The following TMEM117 variants were observed in gnomAD, a reference collection of about 807,000 sequenced individuals.
TMEM117 encodes the protein transmembrane protein 117.
In TMEM117, 27 loss-of-function variants were observed where a neutral mutation model predicts 52.4. That is an observed-to-expected ratio of 0.51 (90% CI 0.38 to 0.71). TMEM117 has a LOEUF of 0.71. Ranked by LOEUF, TMEM117 falls within the 30% of genes least tolerant of loss-of-function variation. TMEM117 has a pLI of 0.00. For synonymous variants in TMEM117, 215 were observed against 206.3 expected, an observed-to-expected ratio of 1.04 and a Z score of -0.36; for missense variants, 556 against 630.5, an observed-to-expected ratio of 0.88 and a Z score of 1.26.
At chr12:44,380,026 A>G (rs1951998350) in intron 7 of TMEM117, among the ~76,000 whole-genome samples, 1 of 152,246 alleles carries the variant, frequency 6.6e-6, no homozygotes, top group South Asian at 2.1e-4. Context: ...CCTTCTGTCA[A>G]GCATGGCAAG....
At chr12:43,943,786 C>T (rs1945083861) in intron 2 of TMEM117, among the ~76,000 whole-genome samples, 1 of 152,194 alleles carries the variant, frequency 6.6e-6, no homozygotes, top group Non-Finnish European at 1.5e-5. Context: ...GTTTTATCAT[C>T]TGGCCAGTAT....
At chr12:44,272,606 A>G (rs1275681483) in intron 5 of TMEM117, among the ~76,000 whole-genome samples, 52 of 152,222 alleles carry the variant, frequency 3.4e-4, no homozygotes, top group East Asian at 1.9e-4. Context: ...TGCAGCCAAC[A>G]GACACATGAA....
chr12:44,000,197 T>A (rs1328189643), intron 3 of TMEM117, among the ~76,000 whole-genome samples: 2 of 152,024 alleles, frequency 1.3e-5, no homozygotes. Flanking sequence ...CCCGGGTAAG[T>A]TCAGGGAAGG....
intron 1 of TMEM117, among the ~76,000 whole-genome samples, chr12:43,838,545 T>G (rs1342877887): frequency 6.7e-6 from 1 of 150,146 alleles, no homozygotes; most frequent in Non-Finnish European, 1.5e-5. Flanking sequence ...CAGTTTTTTT[T>G]TTTTTTTTTT....
chr12:44,107,879 C>T (rs984474225), intron 3 of TMEM117, among the ~76,000 whole-genome samples: 2 of 152,110 alleles, frequency 1.3e-5, no homozygotes, highest in East Asian at 3.8e-4. Flanking sequence ...CATTGTGGAA[C>T]AGGGCTTTTA....
chr12:43,984,793 A>C (rs1333788914), intron 3 of TMEM117, among the ~76,000 whole-genome samples: 1 of 152,110 alleles, frequency 6.6e-6, no homozygotes, highest in Non-Finnish European at 1.5e-5. Flanking sequence ...TGTTAATCTC[A>C]TTTGTCTTCA....
Position 44,146,996 on chromosome 12 carries a change from A to G in TMEM117, c.510+3372A>G, listed in dbSNP as rs866885603. Among the ~76,000 whole-genome samples the G allele has an allele frequency of 5.3e-5, 8 of 152,266 alleles. No individual in the cohort carries two copies. In the Middle Eastern group the frequency reaches 0.014, roughly 259 times the overall value. ...TTGGCCCTCACATTACAGAGCTTCA[A>G]GCTCTGCTGGGTCCAGTTTCTTAGG... On this transcript the variant is annotated intron_variant, in intron 4 of 7. Coordinates refer to ENST00000266534, the MANE Select transcript of TMEM117 (RefSeq NM_032256.3).
chr12:43,945,543 G>A (rs934262321), intron 3 of TMEM117, among the ~76,000 whole-genome samples: 2 of 152,076 alleles, frequency 1.3e-5, no homozygotes, highest in Admixed American at 6.6e-5. Flanking sequence ...GTCTGGTCTC[G>A]AATTCCTGAC....
chr12:43,883,943 C>G (rs1943943866), intron 2 of TMEM117, among the ~76,000 whole-genome samples: 1 of 151,778 alleles, frequency 6.6e-6, no homozygotes, highest in South Asian at 2.1e-4. Context: ...ATGAGACCAG[C>G]CTTGGCAACA....
At chr12:43,825,621 G>C in the TMEM117 span, among the ~76,000 whole-genome samples, 1 of 151,426 alleles carries the variant, frequency 6.6e-6, no homozygotes, top group East Asian at 1.9e-4. Context: ...AATATTATGT[G>C]ATTATATTAT....
chr12:44,205,938 A>G (rs745639881), intron 4 of TMEM117, among the ~76,000 whole-genome samples: 6 of 152,182 alleles, frequency 3.9e-5, no homozygotes, highest in Admixed American at 1.3e-4. Flanking sequence ...TCTGTCGTGG[A>G]GACCCTAACC....
intron 3 of TMEM117, among the ~76,000 whole-genome samples, chr12:44,137,804 G>A (rs193234849): frequency 1.3e-5 from 2 of 152,230 alleles, no homozygotes; most frequent in Admixed American, 6.5e-5. Context: ...CCCACAACAC[G>A]TGGGAATTGT....
At chr12:43,894,285 T>A (rs907354865) in intron 2 of TMEM117, among the ~76,000 whole-genome samples, 3 of 152,198 alleles carry the variant, frequency 2.0e-5, no homozygotes, top group Non-Finnish European at 2.9e-5. Flanking sequence ...TTTTCACAGA[T>A]GTCTCATCTT....
At chr12:44,371,236 A>G (rs1348080756) in intron 6 of TMEM117, among the ~76,000 whole-genome samples, 1 of 152,200 alleles carries the variant, frequency 6.6e-6, no homozygotes, top group Non-Finnish European at 1.5e-5. Context: ...TTTTGGTAGA[A>G]TGATGTTATG....
chr12:43,957,158 G>C (rs904276913), intron 3 of TMEM117, among the ~76,000 whole-genome samples: 2 of 152,116 alleles, frequency 1.3e-5, no homozygotes, highest in Non-Finnish European at 2.9e-5. Context: ...TGTTGGGGAA[G>C]AGTGGGAGTG....
At chr12:43,806,286 C>A in the TMEM117 span, 1 of 1,456,796 alleles carries the variant, frequency 6.9e-7, no homozygotes, top group Admixed American at 2.4e-5. Context: ...CTGAGTGCAG[C>A]CAGCGGCCCC....
chr12:43,942,441 C>T (rs1452985545), intron 2 of TMEM117, among the ~76,000 whole-genome samples: 1 of 152,036 alleles, frequency 6.6e-6, no homozygotes, highest in African/African-American at 2.4e-5. Flanking sequence ...TTAAATTAAT[C>T]AGCAGTTTCT....
At chr12:44,201,402 A>T (rs996630126) in intron 4 of TMEM117, among the ~76,000 whole-genome samples, 1 of 152,206 alleles carries the variant, frequency 6.6e-6, no homozygotes, top group Admixed American at 6.5e-5. Flanking sequence ...GTCCCTAAAA[A>T]ATATAACTAA....
intron 4 of TMEM117, among the ~76,000 whole-genome samples, chr12:44,210,852 C>T (rs1949635980): frequency 6.6e-6 from 1 of 151,872 alleles, no homozygotes; most frequent in Admixed American, 6.6e-5. Context: ...GAGTACTTTA[C>T]CACACATATA....
Sources: gnomAD v4.1 joint callset for allele counts (sites outside exome capture counted in the v4.1 genomes callset) on GRCh38, gnomAD v4.1.1 for gene constraint, MANE v1.5 for transcripts, NCBI Gene and HGNC (gene_info 2026-07-23, HGNC 2026-07-21) for gene names.